SPINK4: variants seen among roughly 807,000 people sequenced by gnomAD.
The protein encoded by SPINK4 is serine protease inhibitor Kazal-type 4.
A neutral mutation model predicts 12.3 loss-of-function variants in SPINK4; 10 were observed. That is an observed-to-expected ratio of 0.81 (90% confidence interval 0.50 to 1.37). SPINK4 has a LOEUF of 1.37. Among genes scored for constraint, SPINK4 ranks in the 40% most tolerant of loss-of-function variants. The pLI is 0.00. For synonymous variants in SPINK4, 37 were observed against 40.2 expected (o/e 0.92, Z 0.30); for missense variants, 91 against 109.0 (o/e 0.84, Z 0.73).
At chr9:33,246,108 T>C (rs1339717987) in intron 2 of SPINK4, among the ~76,000 whole-genome samples, 1 of 152,180 alleles carries the variant, frequency 6.6e-6, no homozygotes, top group Non-Finnish European at 1.5e-5. Flanking sequence ...TTCTTCAGCC[T>C]TCGCACACTT....
chr9:33,246,782 C>T (rs1820290925), intron 3 of SPINK4, 54 bp downstream of exon 3: 1 of 1,525,800 alleles, frequency 6.6e-7, no homozygotes, highest in Non-Finnish European at 9.1e-7. Flanking sequence ...CTCTGGTGCA[C>T]AGTCTGAAAG....
At chr9:33,247,382 G>A (rs1158675303) in intron 3 of SPINK4, among the ~76,000 whole-genome samples, 1 of 150,564 alleles carries the variant, frequency 6.6e-6, no homozygotes, top group East Asian at 2.0e-4. Flanking sequence ...TGGCCAGGCT[G>A]GTCTCGAACT....
chr9:33,243,830 G>T (rs2117876866), intron 1 of SPINK4, among the ~76,000 whole-genome samples: 1 of 152,142 alleles, frequency 6.6e-6, no homozygotes, highest in African/African-American at 2.4e-5. Context: ...CTCTCTCTGT[G>T]GAAATACCCT....
chr9:33,240,961 A>ACTAC (rs1820228737), intron 1 of SPINK4, among the ~76,000 whole-genome samples: 1 of 152,344 alleles, frequency 6.6e-6, no homozygotes, highest in East Asian at 1.9e-4. Flanking sequence ...TGTATGTTAA[A>ACTAC]CGGTATGTTA....
Position 33,248,451 on chromosome 9 carries a change from A to G in SPINK4, c.241A>G (p.Met81Val), listed in dbSNP as rs749997199. The G allele has an allele frequency of 1.9e-6, 3 of 1,614,036 alleles. No individual in the cohort carries two copies. The African/African-American group carries it at 4.0e-5, about 22-fold the overall frequency. The change falls in exon 4 of 4, where the codon ATG becomes GTG. Residue 81 changes from methionine to valine, a missense_variant. Physicochemically the swap from Met to Val is conservative, Grantham distance 21. Coordinates refer to ENST00000379721, the MANE Select transcript of SPINK4 (RefSeq NM_014471.3). ...RIKTKQDIQIMKDGKC is the reference protein window; with the variant it reads ...RIKTKQDIQIVKDGKC ...AAAAACCAAACAGGACATCCAGATC[A>G]TGAAAGATGGCAAATGCTGATCCCA... is the stretch of plus-strand genomic sequence containing the variant.
intron 2 of SPINK4, among the ~76,000 whole-genome samples, chr9:33,245,941 C>G (rs1488467860): frequency 6.6e-6 from 1 of 152,200 alleles, no homozygotes; most frequent in African/African-American, 2.4e-5. Context: ...ATTCAGGTTT[C>G]TAGGGTTCGG....
rs1303715186 is a variant in SPINK4, at chr9:33,241,282, A to G, written c.61+1013A>G. ...GAGGCAAATTGGAACTGTACCGGGA[A>G]AGACCTTGTTGGCCAACATAAGAAC... On this transcript the variant is annotated intron_variant, in intron 1 of 3. Coordinates refer to ENST00000379721, the MANE Select transcript of SPINK4 (RefSeq NM_014471.3). Among the ~76,000 whole-genome samples the G allele has an allele frequency of 2.6e-5, 4 of 152,184 alleles. No individual in the cohort carries two copies. The East Asian group carries it at 7.7e-4, about 29-fold the overall frequency.
intron 1 of SPINK4, among the ~76,000 whole-genome samples, 181 bp from the exon 2 acceptor site, chr9:33,244,931 G>A (rs1193687435): frequency 6.6e-6 from 1 of 152,074 alleles, no homozygotes; most frequent in African/African-American, 2.4e-5. Flanking sequence ...TCTGTTTATG[G>A]AACCCAAGAT....
At chr9:33,241,689 T>G (rs2089534) in intron 1 of SPINK4, among the ~76,000 whole-genome samples, 48 of 68,912 alleles carry the variant, frequency 7.0e-4, no homozygotes, top group Non-Finnish European at 1.1e-3. Context: ...GTTTGTTTGT[T>G]TTTGTTTTTG....
intron 1 of SPINK4, among the ~76,000 whole-genome samples, chr9:33,244,125 C>T (rs552364229): frequency 3.3e-5 from 5 of 152,212 alleles, no homozygotes; most frequent in Admixed American, 2.0e-4. Flanking sequence ...AACGCCCTTC[C>T]TTCCACCTGT....
rs1027340691 is a variant in SPINK4, at chr9:33,247,328, T to C, written c.215+600T>C. ...GCCCACCACCACACCTGGCTAATTT[T>C]TTTTTTTTTTTGTATTTTAAGTAGA... On this transcript the variant is annotated intron_variant, in intron 3 of 3. Coordinates refer to ENST00000379721, the MANE Select transcript of SPINK4 (RefSeq NM_014471.3). Among the ~76,000 whole-genome samples the C allele has an allele frequency of 2.0e-5, 3 of 151,448 alleles. 1 individual carries two copies. The South Asian group carries it at 6.3e-4, about 32-fold the overall frequency.
chr9:33,246,548 C>T (rs756407426), intron 2 of SPINK4, 68 bp from the exon 3 acceptor site: 8 of 1,412,234 alleles, frequency 5.7e-6, no homozygotes, highest in Non-Finnish European at 8.0e-6. Context: ...TGGTTCCGAG[C>T]AGAACCCCTG....
chr9:33,240,393 A>T (rs531089382), intron 1 of SPINK4, 124 bp downstream of exon 1: 3 of 786,586 alleles, frequency 3.8e-6, no homozygotes, highest in East Asian at 6.4e-5. Context: ...TTCATTCTGC[A>T]TATGCACCCT....
intron 1 of SPINK4, among the ~76,000 whole-genome samples, chr9:33,243,531 C>T (rs1416602986): frequency 1.3e-5 from 2 of 152,184 alleles, no homozygotes; most frequent in Non-Finnish European, 2.9e-5. Context: ...TAAATGGAAT[C>T]ATAGGGTATA....
chr9:33,241,146 A>G (rs1463809400), intron 1 of SPINK4, among the ~76,000 whole-genome samples: 1 of 152,134 alleles, frequency 6.6e-6, no homozygotes, highest in Admixed American at 6.5e-5. Context: ...CAGAGGGAAC[A>G]GCTCAGGTGC....
intron 3 of SPINK4, among the ~76,000 whole-genome samples, chr9:33,247,431 G>C (rs567960726): frequency 6.6e-6 from 1 of 151,822 alleles, no homozygotes; most frequent in Non-Finnish European, 1.5e-5. Context: ...GCCTCCCAAA[G>C]TGCTAGGATT....
intron 3 of SPINK4, chr9:33,248,009 T>C (rs1820303051): frequency 5.4e-6 from 1 of 184,218 alleles, no homozygotes; most frequent in East Asian, 1.4e-4. Context: ...GTTTCTGATT[T>C]GTGGGCTTGG....
chr9:33,240,433 G>C (rs989865281), intron 1 of SPINK4, among the ~76,000 whole-genome samples, 164 bp downstream of exon 1: 1 of 152,210 alleles, frequency 6.6e-6, no homozygotes, highest in African/African-American at 2.4e-5. Flanking sequence ...TCTGGGCTGG[G>C]AGAAAAGAAA....
intron 1 of SPINK4, among the ~76,000 whole-genome samples, chr9:33,240,785 T>C (rs957348427): frequency 1.3e-5 from 2 of 152,172 alleles, no homozygotes; most frequent in African/African-American, 4.8e-5. Flanking sequence ...GGCAGGGCCC[T>C]CTCAGGATCT....
Sources: allele counts gnomAD v4.1 joint callset (sites outside exome capture counted in the v4.1 genomes callset), GRCh38; gene constraint gnomAD v4.1.1; transcripts MANE v1.5; gene names NCBI Gene and HGNC (gene_info 2026-07-23, HGNC 2026-07-21).